NEK10: variants seen among roughly 807,000 people sequenced by gnomAD.
The protein encoded by NEK10 is serine/threonine-protein kinase Nek10.
In NEK10, 122 loss-of-function variants were observed where a neutral mutation model predicts 159.8. The ratio of observed to expected loss-of-function variants is 0.76; its 90% confidence interval spans 0.66 to 0.89. The LOEUF (loss-of-function observed/expected upper bound fraction) is 0.89, where lower values mean the gene tolerates loss of function less well. Ranked by LOEUF, NEK10 falls within the 40% of genes least tolerant of loss-of-function variation. The pLI, the probability that NEK10 is intolerant of heterozygous loss-of-function variation, is 0.00. For synonymous variants in NEK10, 466 were observed against 457.1 expected (o/e 1.02, Z -0.25); for missense variants, 1,342 against 1,323.1 (o/e 1.01, Z -0.22).
intron 33 of NEK10, among the ~76,000 whole-genome samples, chr3:27,117,561 C>T (rs924550013): frequency 3.3e-5 from 5 of 152,270 alleles, no homozygotes; most frequent in East Asian, 1.9e-4. Context: ...TTTTGATTTG[C>T]GTTTCTCTAA....
chr3:27,296,919 AAAAAT>A (rs2043395574), intron 14 of NEK10, among the ~76,000 whole-genome samples: 1 of 152,260 alleles, frequency 6.6e-6, no homozygotes, highest in Non-Finnish European at 1.5e-5. Context: ...TTTAGAAAGA[AAAAAT>A]AAAAGGGACC....
chr3:27,293,636 G>A lies in NEK10; in HGVS notation c.1325C>T (p.Ala442Val). The A allele has an allele frequency of 1.3e-6, 2 of 1,571,942 alleles. No homozygotes were observed. Among genetic ancestry groups the A allele is most frequent in the Non-Finnish European group, 1.7e-6 (2 of 1,145,456 alleles). ...TTCCATACTGAAGAGAAATCTCAAG[G>A]CTCTGAAAGCATAACACTAGAAAAC... ...SNLLQCYAFR[A>V]LRFLFSMERN... Residue 442 changes from alanine to valine, a missense_variant, in exon 16 of 36, where the codon GCC (alanine) becomes GTC (valine). Physicochemically the swap from Ala to Val is moderately conservative, Grantham distance 64. Transcript: ENST00000691995.
chr3:27,271,190 T>C (rs867799194), intron 22 of NEK10, among the ~76,000 whole-genome samples: 2 of 147,326 alleles, frequency 1.4e-5, no homozygotes, highest in African/African-American at 2.5e-5. Context: ...TATCTATCTA[T>C]CTATCTACCT....
intron 23 of NEK10, among the ~76,000 whole-genome samples, chr3:27,246,341 G>T (rs1020699585): frequency 6.6e-6 from 1 of 151,926 alleles, no homozygotes; most frequent in Non-Finnish European, 1.5e-5. Flanking sequence ...ATACTCAATA[G>T]GTATTTTTTC....
intron 1 of NEK10, among the ~76,000 whole-genome samples, chr3:27,361,749 T>C (rs2048699779): frequency 6.6e-6 from 1 of 152,220 alleles, no homozygotes; most frequent in Non-Finnish European, 1.5e-5. Flanking sequence ...AATCAACAAA[T>C]TGATGTTCAT....
intron 33 of NEK10, among the ~76,000 whole-genome samples, chr3:27,117,430 T>C (rs1940630123): frequency 6.6e-6 from 1 of 152,220 alleles, no homozygotes; most frequent in Non-Finnish European, 1.5e-5. Flanking sequence ...TTGAACTAAT[T>C]TACATTCCCA....
At chr3:27,118,309 G>C (rs917201660) in intron 33 of NEK10, among the ~76,000 whole-genome samples, 1 of 152,134 alleles carries the variant, frequency 6.6e-6, no homozygotes, top group African/African-American at 2.4e-5. Flanking sequence ...ACTTTATGAT[G>C]GTTGATCAGA....
chr3:27,212,223 A>G (rs11129269), intron 23 of NEK10, among the ~76,000 whole-genome samples: 35,768 of 152,176 alleles, frequency 0.24, 4,555 homozygotes, highest in Middle Eastern at 0.38. Flanking sequence ...CAGTATTAAA[A>G]TCTGTGTTTT....
intron 10 of NEK10, among the ~76,000 whole-genome samples, chr3:27,308,184 A>G (rs972176919): frequency 1.3e-5 from 2 of 152,198 alleles, no homozygotes; most frequent in Non-Finnish European, 2.9e-5. Flanking sequence ...ATAAGTGCCG[A>G]GCCAAGGGGG....
chr3:27,359,177 G>A (rs1349926379), intron 1 of NEK10, among the ~76,000 whole-genome samples: 1 of 139,558 alleles, frequency 7.2e-6, no homozygotes, highest in Non-Finnish European at 1.5e-5. Context: ...ACTCCAGCCT[G>A]GACAACAGAA....
intron 23 of NEK10, among the ~76,000 whole-genome samples, chr3:27,205,947 G>T (rs937640465): frequency 1.4e-5 from 2 of 147,252 alleles, no homozygotes; most frequent in African/African-American, 5.1e-5. Context: ...GAAAATTTTC[G>T]CAACCTACTC....
chr3:27,111,758 C>A (rs1461073857), intron 35 of NEK10, among the ~76,000 whole-genome samples: 3 of 152,038 alleles, frequency 2.0e-5, no homozygotes, highest in African/African-American at 4.8e-5. Flanking sequence ...TAAGTATATT[C>A]ATAAAGATTA....
At chr3:27,158,695 G>A (rs1410703350) in intron 30 of NEK10, among the ~76,000 whole-genome samples, 1 of 152,108 alleles carries the variant, frequency 6.6e-6, no homozygotes, top group Non-Finnish European at 1.5e-5. Context: ...AGCAAGGGAG[G>A]GGAAAATGTC....
chr3:27,226,363 AAAG>A (rs1240646997), intron 23 of NEK10, among the ~76,000 whole-genome samples: 18 of 151,378 alleles, frequency 1.2e-4, no homozygotes, highest in Non-Finnish European at 2.1e-4. Context: ...TAAAAAAAAG[AAAG>A]AAAGAAAGAA....
intron 35 of NEK10, among the ~76,000 whole-genome samples, chr3:27,112,412 C>T (rs1349346393): frequency 6.6e-6 from 1 of 152,120 alleles, no homozygotes; most frequent in Non-Finnish European, 1.5e-5. Context: ...TTGAATAACA[C>T]CGAAATTATA....
rs557137897 is a variant in NEK10 at position 27,185,258 on chromosome 3, A to G, written c.2505+6771T>C. Among the ~76,000 whole-genome samples, 80 of 152,352 alleles carry G rather than the reference A, an allele frequency of 5.3e-4. No individual in the cohort carries two copies. In the South Asian group the frequency reaches 0.016, roughly 31 times the overall value. On this transcript the variant is annotated intron_variant, in intron 26 of 35. Transcript: ENST00000691995. ...TTGACTCTGGCAATATCAAATTATC[A>G]TAGGAATCTTTTTTTAGATTCACCA...
rs374022753 is a variant in NEK10, at chr3:27,291,791, T to C, written c.1374-205A>G. Among the ~76,000 whole-genome samples the C allele has an allele frequency of 8.3e-3, 1,258 of 152,074 alleles. 18 individuals carry two copies. The highest frequency in any genetic ancestry group is 0.028 in the African/African-American group (1,160 of 41,420). ...CCAAGTAGCTGGGACTACAGGTGCC[T>C]GCCACCATGCCCGGCTAATTTTTTG... On this transcript the variant is annotated intron_variant, in intron 16 of 35. Transcript: ENST00000691995.
chr3:27,220,029 G>C (rs1194791184), intron 23 of NEK10, among the ~76,000 whole-genome samples: 1 of 152,132 alleles, frequency 6.6e-6, no homozygotes, highest in African/African-American at 2.4e-5. Context: ...TACATGACTT[G>C]TACACTAAAA....
chr3:27,325,915 G>T (rs993311013), intron 5 of NEK10, among the ~76,000 whole-genome samples: 1 of 152,110 alleles, frequency 6.6e-6, no homozygotes, highest in African/African-American at 2.4e-5. Context: ...CCCTCCTCTG[G>T]CCCAAGCACC....
Sources: allele counts gnomAD v4.1 joint callset (sites outside exome capture counted in the v4.1 genomes callset), GRCh38; gene constraint gnomAD v4.1.1; transcripts MANE v1.5; gene names NCBI Gene and HGNC (gene_info 2026-07-23, HGNC 2026-07-21).